ABCA12: variants seen among roughly 807,000 people sequenced by gnomAD.
ABCA12 encodes ATP binding cassette subfamily A member 12.
Under a neutral mutation model 293.5 loss-of-function variants are expected in ABCA12, and 156 were observed. The ratio of observed to expected loss-of-function variants is 0.53; its 90% CI spans 0.47 to 0.61. The LOEUF is 0.61. ABCA12 is among the 20% of genes least tolerant of loss of function. The pLI, the probability that ABCA12 is intolerant of heterozygous loss-of-function variation, is 0.00. For synonymous variants in ABCA12, 1,063 were observed against 1,108.0 expected, an observed-to-expected ratio of 0.96 and a Z score of 0.81; for missense variants, 2,797 against 3,090.2, an observed-to-expected ratio of 0.91 and a Z score of 2.25.
chr2:214,956,659 T>C lies in ABCA12; in HGVS notation c.6233+4A>G. On this transcript the variant is annotated splice_donor_region_variant and intron_variant, in intron 42 of 52. Coordinates refer to ENST00000272895, the MANE Select transcript of ABCA12 (RefSeq NM_173076.3). ...CTTCTTTCATTGCTTAATCAGCAGCTTACCCAAACAGGAGAAGTAGGAGAG... is the reference window on the plus strand; with the variant it reads ...CTTCTTTCATTGCTTAATCAGCAGCCTACCCAAACAGGAGAAGTAGGAGAG... The C allele has an allele frequency of 6.2e-7, 1 of 1,603,752 alleles. No homozygotes were observed. The highest frequency in any genetic ancestry group is 8.5e-7 in the Non-Finnish European group (1 of 1,170,814).
intron 15 of ABCA12, among the ~76,000 whole-genome samples, chr2:215,014,603 G>A (rs1387156678): frequency 3.3e-5 from 5 of 152,266 alleles, no homozygotes; most frequent in East Asian, 1.9e-4. Flanking sequence ...GGATCAGTCA[G>A]GCTGCTTGCA....
intron 6 of ABCA12, among the ~76,000 whole-genome samples, chr2:215,048,417 C>T (rs967829276): frequency 2.3e-4 from 35 of 151,708 alleles, no homozygotes; most frequent in Non-Finnish European, 8.8e-5. Flanking sequence ...CAGAATCAGC[C>T]GGTGCAGTGG....
Position 215,110,176 on chromosome 2 carries a change from C to T in ABCA12, c.163+1421G>A, listed in dbSNP as rs144842275. 1.9e-3 allele frequency among the ~76,000 whole-genome samples: 292 copies of T among 152,204 alleles called. 1 individual carries two copies. Among genetic ancestry groups the T allele is most frequent in the Non-Finnish European group, 2.0e-3 (136 of 68,010 alleles). On this transcript the variant is annotated intron_variant, in intron 2 of 52. Coordinates refer to ENST00000272895, the MANE Select transcript of ABCA12 (RefSeq NM_173076.3). ...TTTTATGAACAATCAAATAAAATCT[C>T]ATCAATAACTCAAATGACTTGAGAA...
chr2:215,110,142 T>C (rs1702541692), intron 2 of ABCA12, among the ~76,000 whole-genome samples: 2 of 152,176 alleles, frequency 1.3e-5, no homozygotes, highest in African/African-American at 4.8e-5. Flanking sequence ...GAGAGCAAAA[T>C]TATGCTGTTT....
intron 3 of ABCA12, among the ~76,000 whole-genome samples, chr2:215,061,497 G>A (rs1206011109): frequency 6.6e-6 from 1 of 151,932 alleles, no homozygotes; most frequent in African/African-American, 2.4e-5. Flanking sequence ...AGGCTATGCT[G>A]GTGAATCTTC....
intron 27 of ABCA12, among the ~76,000 whole-genome samples, 166 bp from the exon 28 acceptor site, chr2:214,986,894 G>T (rs564948472): frequency 1.3e-5 from 2 of 152,228 alleles, no homozygotes; most frequent in Non-Finnish European, 2.9e-5. Flanking sequence ...CTCCTCACTT[G>T]GTTGCAGAAT....
At chr2:214,941,675 G>A (rs934506330) in intron 50 of ABCA12, among the ~76,000 whole-genome samples, 2 of 151,840 alleles carry the variant, frequency 1.3e-5, no homozygotes, top group African/African-American at 4.8e-5. Context: ...AGCTCTTCTT[G>A]TTGCATTGAT....
At chr2:214,959,532 A>C (rs1021062692) in intron 39 of ABCA12, among the ~76,000 whole-genome samples, 2 of 152,148 alleles carry the variant, frequency 1.3e-5, no homozygotes, top group African/African-American at 4.8e-5. Flanking sequence ...ATCCCTCTTT[A>C]GTGCTGTCTG....
At chr2:215,013,705 A>G (rs916371722) in intron 15 of ABCA12, 2 of 154,152 alleles carry the variant, frequency 1.3e-5, no homozygotes, top group Middle Eastern at 5.3e-4. Flanking sequence ...GCAAAGTAAT[A>G]ATAGTAATTT....
At chr2:214,967,917 C>T (rs1699301156) in intron 38 of ABCA12, among the ~76,000 whole-genome samples, 1 of 152,136 alleles carries the variant, frequency 6.6e-6, no homozygotes, top group African/African-American at 2.4e-5. Context: ...CCATTGATCA[C>T]ATACGTAAGA....
intron 3 of ABCA12, among the ~76,000 whole-genome samples, chr2:215,057,163 A>T (rs1701435503): frequency 6.6e-6 from 1 of 152,066 alleles, no homozygotes. Context: ...TTATAGAGTT[A>T]GAAGATATCT....
chr2:215,072,308 G>A (rs1167298401), intron 2 of ABCA12, among the ~76,000 whole-genome samples: 2 of 152,058 alleles, frequency 1.3e-5, no homozygotes, highest in African/African-American at 2.4e-5. Context: ...CCTATGGATA[G>A]GACATAGGGA....
intron 31 of ABCA12, among the ~76,000 whole-genome samples, chr2:214,979,721 G>T (rs1164121039): frequency 6.6e-6 from 1 of 152,032 alleles, no homozygotes; most frequent in Non-Finnish European, 1.5e-5. Flanking sequence ...ACAGTGCTTG[G>T]ATATCATAAG....
rs1011735874 is a variant in ABCA12, at chr2:214,982,103, C to T, written c.4579+84G>A. The T allele has an allele frequency of 4.9e-6, 7 of 1,423,358 alleles. No individual in the cohort carries two copies. In the African/African-American group the frequency reaches 8.5e-5, roughly 17 times the overall value. The allele number at this position is 1,423,358 out of a possible 1,614,324, so 88.2% of individuals were successfully genotyped here. A position where few individuals can be genotyped will look rare whatever the true frequency, so the allele number is the denominator to read the frequency against. ...CTGGGATTATAGGCGTGAGCCACTG[C>T]ACCCAGCCTCAGTTTGCTTTTGTAT... On this transcript the variant is annotated intron_variant, in intron 30 of 52. Coordinates refer to ENST00000272895, the MANE Select transcript of ABCA12 (RefSeq NM_173076.3).
At chr2:215,018,612 A>G (rs1295219064) in intron 13 of ABCA12, among the ~76,000 whole-genome samples, 2 of 152,188 alleles carry the variant, frequency 1.3e-5, no homozygotes, top group African/African-American at 4.8e-5. Flanking sequence ...AAGGGTTTTT[A>G]CAATCATTAT....
intron 50 of ABCA12, 24 bp from the exon 51 acceptor site, chr2:214,937,639 T>C (rs1698262908): frequency 6.4e-7 from 1 of 1,571,462 alleles, no homozygotes; most frequent in Non-Finnish European, 8.8e-7. Context: ...GTGCAAAATA[T>C]GATATGAATT....
intron 2 of ABCA12, among the ~76,000 whole-genome samples, chr2:215,087,419 G>A (rs1253482905): frequency 6.6e-6 from 1 of 151,726 alleles, no homozygotes; most frequent in African/African-American, 2.4e-5. Flanking sequence ...GCTTGTCAAC[G>A]GACTGAGTCT....
At chr2:215,072,230 C>T (rs1701752240) in intron 2 of ABCA12, among the ~76,000 whole-genome samples, 1 of 152,112 alleles carries the variant, frequency 6.6e-6, no homozygotes, top group Non-Finnish European at 1.5e-5. Flanking sequence ...TTCTGACATC[C>T]TCTGCATCCC....
chr2:214,948,571 A>C (rs776307409), intron 47 of ABCA12, 25 bp downstream of exon 47: 27 of 1,612,928 alleles, frequency 1.7e-5, no homozygotes, highest in Non-Finnish European at 1.7e-5. Flanking sequence ...TTTCAAATTA[A>C]GTAATTTTTC....
Sources: gnomAD v4.1 joint callset for allele counts (sites outside exome capture counted in the v4.1 genomes callset) on GRCh38, gnomAD v4.1.1 for gene constraint, MANE v1.5 for transcripts, NCBI Gene and HGNC (gene_info 2026-07-23, HGNC 2026-07-21) for gene names.